PLCB4: variants seen among roughly 807,000 people sequenced by gnomAD.
PLCB4 encodes the protein phospholipase C beta 4.
PLCB4 carries 77 observed loss-of-function variants against 178.8 expected under a neutral mutation model. The ratio of observed to expected loss-of-function variants is 0.43; its 90% CI spans 0.36 to 0.52. The LOEUF is 0.52. Ranked by LOEUF, PLCB4 falls within the 20% of genes least tolerant of loss-of-function variation. The pLI, the probability that PLCB4 is intolerant of heterozygous loss-of-function variation, is 0.00. For synonymous variants in PLCB4, 496 were observed against 490.8 expected (o/e 1.01, Z -0.14); for missense variants, 1,024 against 1,453.4 (o/e 0.70, Z 4.80).
At chr20:9,075,581 G>C (rs1263490081) in intron 1 of PLCB4, among the ~76,000 whole-genome samples, 2 of 152,208 alleles carry the variant, frequency 1.3e-5, no homozygotes, top group Non-Finnish European at 2.9e-5. Context: ...TTCCTCTAAG[G>C]GCCAAGTAAG....
At chr20:9,277,716 G>A (rs1446169890) in intron 3 of PLCB4, among the ~76,000 whole-genome samples, 2 of 151,966 alleles carry the variant, frequency 1.3e-5, no homozygotes. Context: ...GAAGGGAGGA[G>A]AGAAGGGACA....
intron 2 of PLCB4, among the ~76,000 whole-genome samples, chr20:9,215,234 C>G (rs2093716754): frequency 6.6e-6 from 1 of 152,134 alleles, no homozygotes; most frequent in Admixed American, 6.5e-5. Flanking sequence ...TTCAATAACA[C>G]ATAATCCCTG....
intron 38 of PLCB4, among the ~76,000 whole-genome samples, chr20:9,475,189 T>C (rs2044464588): frequency 3.3e-5 from 5 of 152,198 alleles, no homozygotes; most frequent in Admixed American, 3.3e-4. Flanking sequence ...TACTTGGAAA[T>C]TAATTGTGTT....
intron 2 of PLCB4, among the ~76,000 whole-genome samples, chr20:9,099,485 T>C (rs1296691711): frequency 2.0e-5 from 3 of 152,188 alleles, no homozygotes; most frequent in Non-Finnish European, 2.9e-5. Context: ...TTAAGAAAAT[T>C]AAAAATTGAG....
At chr20:9,244,353 A>G (rs1323555429) in intron 3 of PLCB4, among the ~76,000 whole-genome samples, 1 of 152,218 alleles carries the variant, frequency 6.6e-6, no homozygotes, top group Non-Finnish European at 1.5e-5. Flanking sequence ...TGAACTCTAA[A>G]TCAATTTAGT....
At chr20:9,079,735 T>G (rs1022386241) in intron 1 of PLCB4, among the ~76,000 whole-genome samples, 2 of 152,214 alleles carry the variant, frequency 1.3e-5, no homozygotes, top group Non-Finnish European at 2.9e-5. Flanking sequence ...CTACAGTGAT[T>G]AAATTGAAAT....
chr20:9,182,256 A>T (rs1383966801), intron 2 of PLCB4, among the ~76,000 whole-genome samples: 1 of 152,158 alleles, frequency 6.6e-6, no homozygotes, highest in Non-Finnish European at 1.5e-5. Flanking sequence ...GGTTTACCCC[A>T]TGTAAAGTGA....
At chr20:9,424,955 T>G (rs1390760830) in intron 28 of PLCB4, among the ~76,000 whole-genome samples, 2 of 152,094 alleles carry the variant, frequency 1.3e-5, no homozygotes, top group African/African-American at 4.8e-5. Flanking sequence ...ACTTTACCAG[T>G]CTAATATCAG....
chr20:9,271,719 T>A (rs941273516), intron 3 of PLCB4, among the ~76,000 whole-genome samples: 1 of 152,116 alleles, frequency 6.6e-6, no homozygotes, highest in African/African-American at 2.4e-5. Flanking sequence ...ACACTTAGCT[T>A]CTTCCAAGAA....
intron 2 of PLCB4, among the ~76,000 whole-genome samples, chr20:9,108,614 A>G (rs2091456114): frequency 6.6e-6 from 1 of 152,186 alleles, no homozygotes; most frequent in East Asian, 1.9e-4. Context: ...ATTATTATTA[A>G]GAATTCAAAA....
chr20:9,293,358 T>TGAAG (rs768293862), intron 3 of PLCB4, among the ~76,000 whole-genome samples: 1 of 90,798 alleles, frequency 1.1e-5, no homozygotes, highest in African/African-American at 4.4e-5. Flanking sequence ...AAGAGAGGAA[T>TGAAG]GAAGGAAGGA....
At chr20:9,086,771 G>T (rs1005754678) in intron 1 of PLCB4, among the ~76,000 whole-genome samples, 6 of 152,162 alleles carry the variant, frequency 3.9e-5, no homozygotes, top group African/African-American at 1.4e-4. Context: ...ATAGGGAAAA[G>T]GTTTCGAAAA....
chr20:9,397,665 C>A (rs1470281842), intron 19 of PLCB4, among the ~76,000 whole-genome samples: 1 of 152,170 alleles, frequency 6.6e-6, no homozygotes, highest in African/African-American at 2.4e-5. Context: ...CATGTCCAGT[C>A]CTTGGGTTTG....
chr20:9,399,018 A>G lies in PLCB4; in HGVS notation c.1511-2472A>G, dbSNP rs2038825789. Among the ~76,000 whole-genome samples the G allele has an allele frequency of 2.0e-5, 3 of 152,250 alleles. No individual in the cohort carries two copies. The South Asian group carries it at 6.2e-4, about 32-fold the overall frequency. Reference sequence around the variant, plus strand: ...AAATACTTTTTTAAAAAGGAGAAAGAATAGAACGAATGAAAGTCAAAGATG... The same window carrying G: ...AAATACTTTTTTAAAAAGGAGAAAGGATAGAACGAATGAAAGTCAAAGATG... On this transcript the variant is annotated intron_variant, in intron 19 of 39. Coordinates refer to ENST00000378473, the MANE Select transcript of PLCB4 (RefSeq NM_001377142.1).
chr20:9,393,034 T>C (rs1055224460), intron 17 of PLCB4, among the ~76,000 whole-genome samples: 2 of 152,152 alleles, frequency 1.3e-5, no homozygotes, highest in Non-Finnish European at 2.9e-5. Flanking sequence ...AAGCAAATGA[T>C]GCTGTAGTCA....
intron 28 of PLCB4, among the ~76,000 whole-genome samples, chr20:9,435,329 A>G (rs760230140): frequency 6.6e-6 from 1 of 152,240 alleles, no homozygotes; most frequent in African/African-American, 2.4e-5. Context: ...AAAACTTTGT[A>G]TCAGGAAAAA....
intron 2 of PLCB4, among the ~76,000 whole-genome samples, chr20:9,209,496 A>G (rs1051557357): frequency 2.6e-5 from 4 of 152,084 alleles, no homozygotes; most frequent in African/African-American, 9.7e-5. Flanking sequence ...TTAAGAATAA[A>G]AGTTTGTCCT....
At chr20:9,328,649 T>C (rs1444713870) in intron 4 of PLCB4, among the ~76,000 whole-genome samples, 2 of 152,226 alleles carry the variant, frequency 1.3e-5, no homozygotes, top group Non-Finnish European at 2.9e-5. Context: ...ACTGTCAGTC[T>C]TTCATGTGTC....
At position 9,334,435 on chromosome 20, in the gene PLCB4, G is replaced by T. The variant is rs142962352; in HGVS notation, c.85-2691G>T. 4.2e-3 allele frequency among the ~76,000 whole-genome samples: 636 copies of T among 152,228 alleles called. 2 individuals are homozygous for T. The highest frequency in any genetic ancestry group is 0.015 in the African/African-American group (617 of 41,544). ...GGATCAGGGACATGGGGTAGTAAGT[G>T]GGGTAGTAAGTAACCATTGAGAAGG... On this transcript the variant is annotated intron_variant, in intron 4 of 39. Transcript: ENST00000378473.
Sources: allele counts gnomAD v4.1 joint callset (sites outside exome capture counted in the v4.1 genomes callset), GRCh38; gene constraint gnomAD v4.1.1; transcripts MANE v1.5; gene names NCBI Gene and HGNC (gene_info 2026-07-23, HGNC 2026-07-21).